Variants in GALNT10 observed in about 807,000 individuals in gnomAD.
GALNT10 encodes the protein GalNAc transferase 10.
GALNT10 carries 41 observed loss-of-function variants against 75.0 expected under a neutral mutation model. The observed-to-expected ratio is 0.55, with a 90% CI of 0.43 to 0.71. The LOEUF (loss-of-function observed/expected upper bound fraction) is 0.71. GALNT10 is among the 30% of genes least tolerant of loss of function. The probability of loss-of-function intolerance (pLI) is 0.00; values close to 1 mark genes in which losing one functional copy is unlikely to be tolerated. For missense variants in GALNT10, 727 were observed against 818.5 expected, an observed-to-expected ratio of 0.89 and a Z score of 1.36; for synonymous variants, 302 against 313.0, an observed-to-expected ratio of 0.96 and a Z score of 0.37.
intron 4 of GALNT10, chr5:154,338,153 C>T: frequency 1.2e-6 from 1 of 820,458 alleles, no homozygotes; most frequent in Non-Finnish European, 2.1e-6. Flanking sequence ...AGAATCGCCT[C>T]TTGAGACAGC....
intron 1 of GALNT10, among the ~76,000 whole-genome samples, chr5:154,242,976 T>C (rs1753362606): frequency 6.6e-6 from 1 of 152,212 alleles, no homozygotes; most frequent in South Asian, 2.1e-4. Context: ...AAGAGTGTAG[T>C]AAGTCAGTTC....
chr5:154,384,617 C>T (rs1015382176), intron 6 of GALNT10, among the ~76,000 whole-genome samples: 7 of 152,186 alleles, frequency 4.6e-5, no homozygotes, highest in African/African-American at 1.2e-4. Flanking sequence ...AATGGTTAAA[C>T]GCTGCATCTC....
intron 8 of GALNT10, among the ~76,000 whole-genome samples, chr5:154,408,906 T>C (rs1409075974): frequency 1.3e-5 from 2 of 152,144 alleles, no homozygotes; most frequent in East Asian, 1.9e-4. Context: ...GGCTGGATTC[T>C]GGTGTTAAAA....
At chr5:154,294,580 C>T (rs925944500) in intron 1 of GALNT10, among the ~76,000 whole-genome samples, 2 of 152,172 alleles carry the variant, frequency 1.3e-5, no homozygotes, top group Non-Finnish European at 1.5e-5. Context: ...TTTTTCTCCA[C>T]CACCGATTTG....
At chr5:154,210,543 T>C (rs187283522) in intron 1 of GALNT10, among the ~76,000 whole-genome samples, 102 of 152,340 alleles carry the variant, frequency 6.7e-4, no homozygotes, top group Middle Eastern at 3.4e-3. Context: ...TGTGTTAGTT[T>C]GTGATTATAC....
chr5:154,393,548 AG>A (rs1755952942), intron 7 of GALNT10, among the ~76,000 whole-genome samples: 2 of 152,322 alleles, frequency 1.3e-5, no homozygotes, highest in South Asian at 4.1e-4. Context: ...TACAAGAAGA[AG>A]GGGCCAGGCA....
rs145995359 is a variant in GALNT10, at chr5:154,415,928, G to A, written c.1649G>A (p.Arg550His). The change falls in exon 11 of 12, where the codon CGC becomes CAC. Residue 550 changes from arginine (R) to histidine (H), a missense_variant. Coordinates refer to ENST00000297107, the MANE Select transcript of GALNT10 (RefSeq NM_198321.4). ...AAGGGCAACCAGCTGTGGAAATACC[G>A]CAAAGTAAGATGGGATGCGGGGGGA... ...SMKGNQLWKYRKDKTLYHPVS... is the reference protein window; with the variant it reads ...SMKGNQLWKYHKDKTLYHPVS... 74 of 1,613,770 alleles carry A rather than the reference G, an allele frequency of 4.6e-5. No homozygotes were observed. Among genetic ancestry groups the A allele is most frequent in the African/African-American group, 3.9e-4 (29 of 74,918 alleles).
rs147388349 is a variant in GALNT10 at position 154,402,164 on chromosome 5, A to G, written c.1057-1940A>G. Among the ~76,000 whole-genome samples, 2 of 152,318 alleles carry G rather than the reference A, an allele frequency of 1.3e-5. No individual in the cohort carries two copies. The highest frequency in any genetic ancestry group is 3.9e-4 in the East Asian group (2 of 5,170). On this transcript the variant is annotated intron_variant, in intron 7 of 11. Transcript: ENST00000297107. The surrounding 1 kb of genome is among the most constrained non-coding windows in gnomAD (Gnocchi z 4.2). ...CTCCCTCACTGAAGACCTTCTGTGA[A>G]GACTCCTTGTTCTGCCCCGTGAGGG...
chr5:154,219,274 C>A (rs1752932257), intron 1 of GALNT10, among the ~76,000 whole-genome samples: 1 of 152,214 alleles, frequency 6.6e-6, no homozygotes. Flanking sequence ...TCATCTCCCC[C>A]AGCAAGCCTT....
chr5:154,243,943 C>G (rs1459794055), intron 1 of GALNT10, among the ~76,000 whole-genome samples: 1 of 152,200 alleles, frequency 6.6e-6, no homozygotes, highest in Non-Finnish European at 1.5e-5. Context: ...GCTTAGAGAG[C>G]TTCTTGGCCA....
chr5:154,330,015 G>C (rs2113118202), intron 4 of GALNT10: 1 of 274,170 alleles, frequency 3.6e-6, no homozygotes, highest in South Asian at 1.1e-4. Context: ...ACAAGTGTAA[G>C]GATTCATTCA....
intron 1 of GALNT10, among the ~76,000 whole-genome samples, chr5:154,287,957 T>TGAGA (rs138735348): frequency 8.9e-5 from 9 of 100,988 alleles, no homozygotes; most frequent in South Asian, 3.1e-4. Flanking sequence ...TGTGTGTGTG[T>TGAGA]GTGAGAGAGA....
chr5:154,301,995 A>G (rs1754369887), intron 3 of GALNT10, among the ~76,000 whole-genome samples: 1 of 152,174 alleles, frequency 6.6e-6, no homozygotes, highest in Admixed American at 6.5e-5. Flanking sequence ...TTTTGGAGTC[A>G]CCAAGTGTGG....
chr5:154,339,734 G>T (rs1214819561), intron 4 of GALNT10, among the ~76,000 whole-genome samples: 1 of 152,200 alleles, frequency 6.6e-6, no homozygotes, highest in Non-Finnish European at 1.5e-5. Context: ...AAAACTTGGT[G>T]CAGTAAGAGT....
chr5:154,302,045 G>A (rs1192488819), intron 3 of GALNT10, among the ~76,000 whole-genome samples: 3 of 152,222 alleles, frequency 2.0e-5, no homozygotes, highest in African/African-American at 7.2e-5. Context: ...ATGTCTCGAA[G>A]AGATTTCCTT....
intron 2 of GALNT10, among the ~76,000 whole-genome samples, chr5:154,295,404 C>T (rs557967059): frequency 2.0e-5 from 3 of 150,852 alleles, no homozygotes; most frequent in Admixed American, 1.3e-4. Context: ...GGGCCTGTGG[C>T]GCTAAGAGGG....
chr5:154,407,552 A>G (rs1756305817), intron 8 of GALNT10, among the ~76,000 whole-genome samples: 1 of 152,248 alleles, frequency 6.6e-6, no homozygotes, highest in Non-Finnish European at 1.5e-5. Flanking sequence ...GGCCATGGTC[A>G]GAGTGTCCAG....
At chr5:154,407,080 C>T (rs1184949526) in intron 8 of GALNT10, among the ~76,000 whole-genome samples, 1 of 152,182 alleles carries the variant, frequency 6.6e-6, no homozygotes, top group African/African-American at 2.4e-5. Flanking sequence ...TCTTTCTTAT[C>T]TTTGCCTCTG....
chr5:154,190,825 C>T lies in GALNT10; in HGVS notation c.-42C>T, dbSNP rs567552556. The T allele has an allele frequency of 6.5e-4, 691 of 1,064,266 alleles. 10 individuals carry two copies. In the East Asian group the frequency reaches 0.026, roughly 40 times the overall value. 65.9% of individuals were successfully genotyped at this position (1,064,266 alleles called of 1,614,324 possible). On this transcript the variant is annotated 5_prime_UTR_variant, in exon 1 of 12. Transcript: ENST00000297107. Reference sequence around the variant, plus strand: ...GGCGGACGCGCGGAGCTGGGGGCGGCGCGGCGGGGCCGGCGGGGCGCGGCG... The same window carrying T: ...GGCGGACGCGCGGAGCTGGGGGCGGTGCGGCGGGGCCGGCGGGGCGCGGCG...
Sources: gnomAD v4.1 joint callset for allele counts (sites outside exome capture counted in the v4.1 genomes callset) on GRCh38, gnomAD v4.1.1 for gene constraint, Gnocchi (gnomAD v3.1) non-coding constraint, MANE v1.5 for transcripts, NCBI Gene and HGNC (gene_info 2026-07-23, HGNC 2026-07-21) for gene names.